ABCB5: variants seen among roughly 807,000 people sequenced by gnomAD.
ABCB5 encodes the protein ATP binding cassette subfamily B member 5.
In ABCB5, 155 loss-of-function variants were observed where a neutral mutation model predicts 144.2. The ratio of observed to expected loss-of-function variants is 1.08; its 90% CI spans 0.94 to 1.23. The LOEUF is 1.23. Among genes scored for constraint, ABCB5 ranks in the 50% most tolerant of loss-of-function variants. The probability of loss-of-function intolerance (pLI) is 0.00; values close to 1 mark genes in which losing one functional copy is unlikely to be tolerated. For synonymous variants in ABCB5, 610 were observed against 528.6 expected (o/e 1.15, Z -2.11); for missense variants, 1,830 against 1,520.8 (o/e 1.20, Z -3.38).
intron 13 of ABCB5, among the ~76,000 whole-genome samples, chr7:20,652,082 G>A (rs543029484): frequency 2.0e-5 from 3 of 152,216 alleles, no homozygotes; most frequent in African/African-American, 7.2e-5. Context: ...ATATGTTAAA[G>A]CATAACAAAG....
At chr7:20,680,722 A>G (rs945982260) in intron 14 of ABCB5, among the ~76,000 whole-genome samples, 1 of 152,158 alleles carries the variant, frequency 6.6e-6, no homozygotes, top group African/African-American at 2.4e-5. Context: ...GCATTTTTCC[A>G]TATATTAATG....
In ABCB5 at chr7:20,681,666, G is replaced by C; in HGVS notation, c.1869G>C (p.Gln623His). 6.2e-7 allele frequency: 1 copy of C among 1,613,510 alleles called. No homozygotes were observed. The highest frequency in any genetic ancestry group is 8.5e-7 in the Non-Finnish European group (1 of 1,179,702). ...TATATTATTCACTTGTGATGTCACAGGTAATGCTTATGTGACATAATGCTA... is the reference window on the plus strand; with the variant it reads ...TATATTATTCACTTGTGATGTCACACGTAATGCTTATGTGACATAATGCTA... ...RGLYYSLVMS[Q>H]DIKKADEQME... The change falls in exon 15 of 28, where the codon CAG becomes CAC. Residue 623 changes from glutamine to histidine, a missense_variant and splice_region_variant. Coordinates refer to ENST00000404938, the MANE Select transcript of ABCB5 (RefSeq NM_001163941.2).
In ABCB5 at chr7:20,653,779, G is replaced by A. The variant is rs541044689; in HGVS notation, c.1536+2156G>A. Among the ~76,000 whole-genome samples the A allele has an allele frequency of 7.9e-5, 12 of 152,324 alleles. 1 individual carries two copies. The South Asian group carries it at 2.5e-3, about 32-fold the overall frequency. On this transcript the variant is annotated intron_variant, in intron 13 of 27. Transcript: ENST00000404938. Reference sequence around the variant, plus strand: ...CTCAGGAATCCTTGTCTGAGGATAAGACTACCTACCCAAGGCTCACCAGAG... The same window carrying A: ...CTCAGGAATCCTTGTCTGAGGATAAAACTACCTACCCAAGGCTCACCAGAG...
At chr7:20,711,778 C>CTCTTTCTTTCTT (rs1174731019) in intron 20 of ABCB5, among the ~76,000 whole-genome samples, 3,375 of 46,750 alleles carry the variant, frequency 0.072, 273 homozygotes, top group South Asian at 0.089. Context: ...TTCCTTCTTT[C>CTCTTTCTTTCTT]TCTTTCTTTC....
At chr7:20,749,567 C>T (rs1782852236) in intron 26 of ABCB5, among the ~76,000 whole-genome samples, 1 of 151,888 alleles carries the variant, frequency 6.6e-6, no homozygotes, top group South Asian at 2.1e-4. Context: ...TCACTCAACA[C>T]ACAGCTACTG....
chr7:20,721,227 A>G (rs1781857267), intron 20 of ABCB5, among the ~76,000 whole-genome samples: 3 of 152,350 alleles, frequency 2.0e-5, no homozygotes, highest in African/African-American at 4.8e-5. Context: ...CAGGTCAGCC[A>G]CTTAATCCCA....
At chr7:20,696,552 A>T (rs142485838) in intron 16 of ABCB5, among the ~76,000 whole-genome samples, 322 of 152,204 alleles carry the variant, frequency 2.1e-3, no homozygotes, top group Non-Finnish European at 3.2e-3. Flanking sequence ...CAAATTTATC[A>T]AATTTTACAT....
At chr7:20,619,943 T>G (rs1783774294) in intron 1 of ABCB5, among the ~76,000 whole-genome samples, 1 of 152,146 alleles carries the variant, frequency 6.6e-6, no homozygotes, top group Admixed American at 6.5e-5. Flanking sequence ...TTCCCCATTG[T>G]TTATTTTTGT....
rs904933411 is a variant in ABCB5, at chr7:20,712,829, T to A, written c.2421+8022T>A. 3.3e-5 allele frequency among the ~76,000 whole-genome samples: 5 copies of A among 149,904 alleles called. 1 individual carries two copies. Among genetic ancestry groups the A allele is most frequent in the African/African-American group, 1.2e-4 (5 of 40,548 alleles). On this transcript the variant is annotated intron_variant, in intron 20 of 27. Transcript: ENST00000404938. ...TAGGGTATAAAAATGATGTTTTATA[T>A]ATGTAGTCATTATGAAATGGATAAA...
At position 20,658,521 on chromosome 7, in the gene ABCB5, G is replaced by C; in HGVS notation, c.1552G>C (p.Val518Leu). 2.5e-6 allele frequency: 4 copies of C among 1,613,590 alleles called. No individual in the cohort carries two copies. Among genetic ancestry groups the C allele is most frequent in the Non-Finnish European group, 3.4e-6 (4 of 1,179,858 alleles). The change falls in exon 14 of 28, where the codon GTA becomes CTA. Residue 518 changes from valine (V) to leucine (L), a missense_variant. Transcript: ENST00000404938. Reference sequence around the variant, plus strand: ...TTTTCATTAGAAATTTAATACATTGGTAGGGGAAAAAGGAGCTCAAATGAG... The same window carrying C: ...TTTTCATTAGAAATTTAATACATTGCTAGGGGAAAAAGGAGCTCAAATGAG... ...MEFPNKFNTL[V>L]GEKGAQMSGG...
At chr7:20,629,320 G>A (rs910756343) in intron 4 of ABCB5, among the ~76,000 whole-genome samples, 16 of 152,190 alleles carry the variant, frequency 1.1e-4, no homozygotes, top group South Asian at 4.2e-4. Flanking sequence ...ATTTGCTGAC[G>A]TTACGTAGGA....
At chr7:20,640,126 T>G (rs1029475038) in intron 5 of ABCB5, among the ~76,000 whole-genome samples, 1 of 152,192 alleles carries the variant, frequency 6.6e-6, no homozygotes, top group Non-Finnish European at 1.5e-5. Context: ...TTCAACAAGA[T>G]GATTTGTATT....
intron 21 of ABCB5, among the ~76,000 whole-genome samples, chr7:20,724,203 T>TTTAC (rs772518577): frequency 6.7e-6 from 1 of 149,770 alleles, no homozygotes. Context: ...TCTTGTCTTA[T>TTTAC]TTATTTATTT....
intron 26 of ABCB5, among the ~76,000 whole-genome samples, chr7:20,745,915 G>A (rs1173425781): frequency 2.0e-5 from 3 of 152,224 alleles, no homozygotes; most frequent in Non-Finnish European, 4.4e-5. Context: ...GGCTGCTGAA[G>A]CCTCTGTAAT....
chr7:20,737,956 T>A (rs1488304508), intron 23 of ABCB5, among the ~76,000 whole-genome samples: 2 of 152,232 alleles, frequency 1.3e-5, no homozygotes, highest in East Asian at 3.8e-4. Context: ...CTGTGTTTGA[T>A]CTTTGTAAAG....
intron 12 of ABCB5, 128 bp from the exon 13 acceptor site, chr7:20,651,292 C>CG: frequency 2.4e-6 from 2 of 826,518 alleles, no homozygotes; most frequent in Admixed American, 2.8e-5. Context: ...AATATTTTAT[C>CG]AAAATATAGT....
At chr7:20,642,485 C>T (rs1784314435) in intron 5 of ABCB5, among the ~76,000 whole-genome samples, 1 of 152,146 alleles carries the variant, frequency 6.6e-6, no homozygotes, top group Admixed American at 6.6e-5. Flanking sequence ...ACCAGTTATT[C>T]TGTGGCCTAT....
At chr7:20,645,236 A>C (rs569566185) in intron 7 of ABCB5, among the ~76,000 whole-genome samples, 1 of 152,338 alleles carries the variant, frequency 6.6e-6, no homozygotes, top group South Asian at 2.1e-4. Flanking sequence ...TTTCCCCTCT[A>C]GTGATCTACT....
chr7:20,652,131 A>T (rs192228287), intron 13 of ABCB5, among the ~76,000 whole-genome samples: 1 of 152,366 alleles, frequency 6.6e-6, no homozygotes, highest in East Asian at 1.9e-4. Context: ...CTGAGAAATT[A>T]TGTCTAAAAT....
Sources: allele counts gnomAD v4.1 joint callset (sites outside exome capture counted in the v4.1 genomes callset), GRCh38; gene constraint gnomAD v4.1.1; transcripts MANE v1.5; gene names NCBI Gene and HGNC (gene_info 2026-07-23, HGNC 2026-07-21).